ENPEP: variants seen among roughly 807,000 people sequenced by gnomAD.
The protein encoded by ENPEP is AP-A.
In ENPEP, 103 loss-of-function variants were observed where a neutral mutation model predicts 114.5. The ratio of observed to expected loss-of-function variants is 0.90; its 90% CI spans 0.77 to 1.06. The LOEUF is 1.06. ENPEP is among the 50% of genes least tolerant of loss of function. ENPEP has a pLI of 0.00. For synonymous variants in ENPEP, 420 were observed against 422.0 expected (o/e 1.00, Z 0.06); for missense variants, 1,196 against 1,161.3 (o/e 1.03, Z -0.43).
rs569044363 is a variant in ENPEP at position 110,478,650 on chromosome 4, G to T, written c.644+1592G>T. Reference sequence around the variant, plus strand: ...GACAGGGTCTTGCTATGTTGCCCAGGCTGGTCTTGAACTCCTGGACTCAAG... The same window carrying T: ...GACAGGGTCTTGCTATGTTGCCCAGTCTGGTCTTGAACTCCTGGACTCAAG... On this transcript the variant is annotated intron_variant, in intron 1 of 19. Transcript: ENST00000265162. Among the ~76,000 whole-genome samples the T allele has an allele frequency of 8.5e-5, 13 of 152,162 alleles. No individual in the cohort carries two copies. In the South Asian group the frequency reaches 2.5e-3, roughly 29 times the overall value.
intron 14 of ENPEP, among the ~76,000 whole-genome samples, 163 bp downstream of exon 14, chr4:110,548,489 C>G (rs181422904): frequency 1.3e-5 from 2 of 151,826 alleles, no homozygotes; most frequent in Admixed American, 1.3e-4. Flanking sequence ...AAAGCTATGC[C>G]GTCTATTCTT....
Position 110,549,534 on chromosome 4 carries a change from C to G in ENPEP, c.2232C>G (p.Leu744=). The change falls in exon 16 of 20, where the codon CTC becomes CTG. Residue 744 remains leucine, a synonymous_variant. Coordinates refer to ENST00000265162, the MANE Select transcript of ENPEP (RefSeq NM_001977.4). ...TGTTTGTTTGTTTTTTAAGGTTACTCCGTTCCTCCGTGTTAGGGTTTGCGT... is the reference window on the plus strand; with the variant it reads ...TGTTTGTTTGTTTTTTAAGGTTACTGCGTTCCTCCGTGTTAGGGTTTGCGT... The part of the protein sequence containing the change: ...NDAGDHVTKL[L]RSSVLGFACK... 1 of 1,613,466 alleles carries G rather than the reference C, an allele frequency of 6.2e-7. No individual in the cohort carries two copies. The highest frequency in any genetic ancestry group is 8.5e-7 in the Non-Finnish European group (1 of 1,179,598).
Position 110,509,795 on chromosome 4 carries a change from A to T in ENPEP, c.1182A>T (p.Glu394Asp), listed in dbSNP as rs895305728. The T allele has an allele frequency of 1.2e-6, 2 of 1,613,288 alleles. No homozygotes were observed. The highest frequency in any genetic ancestry group is 2.7e-5 in the African/African-American group (2 of 74,904). The part of the protein sequence containing the change: ...QQRVATVVAH[E>D]LVHQWFGNIV... ...GGGTGGCCACTGTGGTTGCCCATGAACTTGTGCATCAGGTACAGAATCTTA... is the reference window on the plus strand; with the variant it reads ...GGGTGGCCACTGTGGTTGCCCATGATCTTGTGCATCAGGTACAGAATCTTA... The change falls in exon 5 of 20, where the codon GAA (glutamate) becomes GAT (aspartate). Residue 394 changes from glutamate (E) to aspartate (D), a missense_variant. Physicochemically the swap from Glu to Asp is conservative, Grantham distance 45. Transcript: ENST00000265162.
intron 1 of ENPEP, among the ~76,000 whole-genome samples, chr4:110,488,237 A>G (rs531821971): frequency 6.6e-6 from 1 of 152,322 alleles, no homozygotes; most frequent in Non-Finnish European, 1.5e-5. Flanking sequence ...TCCTCCACAG[A>G]GTTTTAGTTA....
rs1276628933 is a variant in ENPEP at position 110,476,888 on chromosome 4, G to A, written c.474G>A (p.Arg158=). The change falls in exon 1 of 20, where the codon CGG becomes CGA. Residue 158 remains arginine (R), a synonymous_variant. Coordinates refer to ENST00000265162, the MANE Select transcript of ENPEP (RefSeq NM_001977.4). ...CCTCTGGGGACCAGGTGCAAGTCCG[G>A]AGGTGTTTCGAGTACAAAAAGCAGG... ...KRPSGDQVQV[R]RCFEYKKQEY... is the part of the protein sequence containing the mutation. 1 of 1,614,012 alleles carries A rather than the reference G, an allele frequency of 6.2e-7. No individual in the cohort carries two copies. The highest frequency in any genetic ancestry group is 8.5e-7 in the Non-Finnish European group (1 of 1,180,032).
In ENPEP at chr4:110,504,891, A is replaced by T. The variant is rs1725315201; in HGVS notation, c.919-1746A>T. On this transcript the variant is annotated intron_variant, in intron 3 of 19. Coordinates refer to ENST00000265162, the MANE Select transcript of ENPEP (RefSeq NM_001977.4). ...ACCTACGGTGGGAGACCTCACCATG[A>T]TCTTTCAACTTCTTTTACAATTCTC... 2.0e-5 allele frequency among the ~76,000 whole-genome samples: 3 copies of T among 152,314 alleles called. No homozygotes were observed. The South Asian group carries it at 6.2e-4, about 32-fold the overall frequency.
intron 13 of ENPEP, among the ~76,000 whole-genome samples, chr4:110,543,974 G>C (rs971184270): frequency 1.3e-5 from 2 of 152,000 alleles, no homozygotes; most frequent in Admixed American, 6.6e-5. Context: ...CTGACTGTAC[G>C]TTGCCAATAA....
At chr4:110,490,599 C>T (rs759029912) in intron 2 of ENPEP, among the ~76,000 whole-genome samples, 7 of 152,156 alleles carry the variant, frequency 4.6e-5, no homozygotes, top group African/African-American at 7.2e-5. Context: ...ATGTAGACAA[C>T]CAAAGACGGA....
intron 11 of ENPEP, chr4:110,533,259 T>A (rs1203959420): frequency 1.1e-5 from 3 of 265,728 alleles, no homozygotes; most frequent in African/African-American, 6.6e-5. Flanking sequence ...CTTTGTAAAA[T>A]GCATTTCAAG....
intron 10 of ENPEP, among the ~76,000 whole-genome samples, chr4:110,526,702 C>T (rs1219333579): frequency 2.0e-5 from 3 of 152,134 alleles, no homozygotes; most frequent in Non-Finnish European, 4.4e-5. Flanking sequence ...TCTTGCTGCA[C>T]TGTGGAGAAC....
intron 17 of ENPEP, among the ~76,000 whole-genome samples, chr4:110,552,341 A>T (rs961816939): frequency 1.3e-5 from 2 of 152,122 alleles, no homozygotes; most frequent in African/African-American, 4.8e-5. Context: ...CTCCAGTCTC[A>T]TTTAGGGTAA....
intron 10 of ENPEP, 42 bp downstream of exon 10, chr4:110,520,408 C>A: frequency 6.3e-7 from 1 of 1,595,138 alleles, no homozygotes; most frequent in South Asian, 1.1e-5. Flanking sequence ...AGAAATTTGG[C>A]AGAAATATTG....
intron 1 of ENPEP, among the ~76,000 whole-genome samples, chr4:110,483,426 A>G (rs762193883): frequency 6.6e-6 from 1 of 152,094 alleles, no homozygotes; most frequent in Non-Finnish European, 1.5e-5. Flanking sequence ...CACTGGAAAC[A>G]GCATGCCAGA....
At chr4:110,487,048 G>A (rs903146128) in intron 1 of ENPEP, among the ~76,000 whole-genome samples, 1 of 152,160 alleles carries the variant, frequency 6.6e-6, no homozygotes, top group Non-Finnish European at 1.5e-5. Context: ...GGTTGAGCCA[G>A]ATACTGGTCT....
chr4:110,497,066 T>C (rs1724970927), intron 3 of ENPEP, among the ~76,000 whole-genome samples: 1 of 152,144 alleles, frequency 6.6e-6, no homozygotes, highest in Admixed American at 6.5e-5. Flanking sequence ...ATTTAGGGAG[T>C]GATAATTAAA....
intron 8 of ENPEP, among the ~76,000 whole-genome samples, chr4:110,516,597 T>A (rs1321214981): frequency 6.6e-6 from 1 of 151,988 alleles, no homozygotes. Context: ...TGTATGTGAT[T>A]CCCCAGGAGA....
At chr4:110,542,112 T>C (rs1366123688) in intron 11 of ENPEP, among the ~76,000 whole-genome samples, 1 of 152,096 alleles carries the variant, frequency 6.6e-6, no homozygotes, top group African/African-American at 2.4e-5. Context: ...TTTACAAAGA[T>C]AAATAAATTG....
Position 110,549,343 on chromosome 4 carries a change from C to T in ENPEP, c.2152-3C>T, listed in dbSNP as rs761405533. The T allele has an allele frequency of 6.2e-7, 1 of 1,611,190 alleles. No individual in the cohort carries two copies. Among genetic ancestry groups the T allele is most frequent in the South Asian group, 1.1e-5 (1 of 91,028 alleles). The stretch of plus-strand genomic sequence containing the variant: ...CTTATTGTACATAATACTTTTATTT[C>T]AGGAATACTTCCAAGGTCAAGTGAA... On this transcript the variant is annotated splice_region_variant and splice_polypyrimidine_tract_variant and intron_variant, in intron 14 of 19. Transcript: ENST00000265162.
chr4:110,519,438 G>A (rs1345602496), intron 8 of ENPEP: 2 of 165,450 alleles, frequency 1.2e-5, no homozygotes, highest in Admixed American at 5.8e-5. Context: ...TCCCAGTTAC[G>A]GGATTAGAAG....
Sources: allele counts gnomAD v4.1 joint callset (sites outside exome capture counted in the v4.1 genomes callset), GRCh38; gene constraint gnomAD v4.1.1; transcripts MANE v1.5; gene names NCBI Gene and HGNC (gene_info 2026-07-23, HGNC 2026-07-21).